Variants in DGKH observed in about 807,000 individuals in gnomAD.
DGKH encodes the protein diacylglycerol kinase eta.
In DGKH, 90 loss-of-function variants were observed where a neutral mutation model predicts 159.3. That is an observed-to-expected ratio of 0.57 (90% CI 0.48 to 0.67). DGKH has a LOEUF of 0.67. Ranked by LOEUF, DGKH falls within the 30% of genes least tolerant of loss-of-function variation. The pLI, the probability that DGKH is intolerant of heterozygous loss-of-function variation, is 0.00. For synonymous variants in DGKH, 536 were observed against 553.8 expected (o/e 0.97, Z 0.45); for missense variants, 1,181 against 1,506.1 (o/e 0.78, Z 3.57).
chr13:42,201,755 C>T (rs986311590), intron 20 of DGKH, among the ~76,000 whole-genome samples: 2 of 152,118 alleles, frequency 1.3e-5, no homozygotes, highest in Admixed American at 1.3e-4. Flanking sequence ...AAATTAACAA[C>T]ATATTTTTAT....
intron 1 of DGKH, among the ~76,000 whole-genome samples, chr13:42,126,811 G>A (rs1266165286): frequency 6.6e-6 from 1 of 152,126 alleles, no homozygotes; most frequent in East Asian, 1.9e-4. Flanking sequence ...TGGGAACATT[G>A]CTTTGACTCC....
Position 42,219,675 on chromosome 13 carries a change from G to T in DGKH, c.3334-11G>T, listed in dbSNP as rs367814111. On this transcript the variant is annotated splice_polypyrimidine_tract_variant and intron_variant, in intron 27 of 29. Transcript: ENST00000337343. ...TCCTGAAAAAATTATTTTCTTGCTC[G>T]ATTTGAACAGGAACCTCCTATGGAT... 1.9e-6 allele frequency: 3 copies of T among 1,607,028 alleles called. No individual in the cohort carries two copies. The highest frequency in any genetic ancestry group is 2.2e-5 in the East Asian group (1 of 44,776).
Position 42,070,960 on chromosome 13 carries a change from C to T in DGKH, c.192+21995C>T. On this transcript the variant is annotated intron_variant, in intron 1 of 29. Coordinates refer to ENST00000337343, the MANE Select transcript of DGKH (RefSeq NM_178009.5). ...AAGGACAATTTTCTTGATGGCTACT[C>T]TTTTGTCACAATCATTGTCTACAGC... is the stretch of plus-strand genomic sequence containing the variant. The T allele has an allele frequency of 1.5e-6, 2 of 1,311,438 alleles. 1 individual carries two copies. Among genetic ancestry groups the T allele is most frequent in the Admixed American group, 3.4e-5 (2 of 58,984 alleles). The allele number at this position is 1,311,438 out of a possible 1,614,324, so 81.2% of individuals were successfully genotyped here. A position where few individuals can be genotyped will look rare whatever the true frequency, so the allele number is the denominator to read the frequency against.
intron 17 of DGKH, 54 bp from the exon 18 acceptor site, chr13:42,198,423 CT>C (rs1050918334): frequency 4.0e-6 from 6 of 1,510,292 alleles, no homozygotes; most frequent in Non-Finnish European, 1.8e-6. Flanking sequence ...TGGACTGGTT[CT>C]TTCTGTGTTT....
At chr13:42,219,855 C>A in intron 28 of DGKH, 61 bp downstream of exon 28, 2 of 1,480,688 alleles carry the variant, frequency 1.4e-6, no homozygotes, top group Non-Finnish European at 9.3e-7. Context: ...ATTAAAGTGA[C>A]ATCATGGAGG....
In DGKH at chr13:42,121,826, G is replaced by A. The variant is rs183021387; in HGVS notation, c.193-5637G>A. Among the ~76,000 whole-genome samples, 4 of 152,266 alleles carry A rather than the reference G, an allele frequency of 2.6e-5. No individual in the cohort carries two copies. In the East Asian group the frequency reaches 7.7e-4, roughly 29 times the overall value. ...TCTAACTTGGAACCCAGGTTCCTGG[G>A]ACACAGAGAGTCCTTCACTTGGAGC... On this transcript the variant is annotated intron_variant, in intron 1 of 29. Coordinates refer to ENST00000337343, the MANE Select transcript of DGKH (RefSeq NM_178009.5).
intron 16 of DGKH, among the ~76,000 whole-genome samples, chr13:42,194,582 A>G (rs891137810): frequency 5.3e-5 from 8 of 152,232 alleles, no homozygotes; most frequent in African/African-American, 1.9e-4. Context: ...ATTTTCAAAA[A>G]TGGACTTCAA....
At chr13:42,076,007 G>C (rs1325926619) in intron 1 of DGKH, among the ~76,000 whole-genome samples, 1 of 152,100 alleles carries the variant, frequency 6.6e-6, no homozygotes, top group Non-Finnish European at 1.5e-5. Context: ...CACTTTCAAT[G>C]TGATTCTACT....
At chr13:42,052,882 G>C (rs1881425744) in intron 1 of DGKH, among the ~76,000 whole-genome samples, 1 of 151,016 alleles carries the variant, frequency 6.6e-6, no homozygotes, top group Non-Finnish European at 1.5e-5. Context: ...TTGTGAAGCT[G>C]CATGTGTCAA....
intron 1 of DGKH, among the ~76,000 whole-genome samples, chr13:42,094,203 GC>G (rs1954477640): frequency 6.6e-6 from 1 of 151,980 alleles, no homozygotes. Flanking sequence ...CACCGACATG[GC>G]ACATGTATAC....
At chr13:42,047,933 C>T (rs962387268), upstream of DGKH, among the ~76,000 whole-genome samples, 47 of 151,884 alleles carry the variant, frequency 3.1e-4, no homozygotes, top group African/African-American at 1.1e-3. Flanking sequence ...TCCTGTTAGC[C>T]GAAGGGGATC....
chr13:42,199,707 C>T, intron 19 of DGKH, 31 bp downstream of exon 19: 1 of 1,562,636 alleles, frequency 6.4e-7, no homozygotes, highest in Admixed American at 1.9e-5. Context: ...AATGCTATTA[C>T]ATAAAGGCAA....
chr13:42,180,050 TAACTA>T (rs1384118814), intron 13 of DGKH, among the ~76,000 whole-genome samples: 2 of 152,228 alleles, frequency 1.3e-5, no homozygotes, highest in African/African-American at 4.8e-5. Flanking sequence ...AATATTTACT[TAACTA>T]TATTAAACAA....
chr13:42,105,965 C>A (rs1954744953), intron 1 of DGKH, among the ~76,000 whole-genome samples: 1 of 151,228 alleles, frequency 6.6e-6, no homozygotes, highest in African/African-American at 2.4e-5. Flanking sequence ...AATAATTAAA[C>A]CTGATTTTTA....
intron 29 of DGKH, among the ~76,000 whole-genome samples, chr13:42,250,982 G>GT (rs1958616257): frequency 6.6e-6 from 1 of 152,122 alleles, no homozygotes; most frequent in Admixed American, 6.5e-5. Flanking sequence ...GTTTAATGTT[G>GT]TTTTGGCCTG....
chr13:42,199,982 A>G, intron 20 of DGKH, 73 bp downstream of exon 20: 2 of 1,290,724 alleles, frequency 1.5e-6, no homozygotes, highest in Non-Finnish European at 2.1e-6. Flanking sequence ...AGCTAATTTG[A>G]CCTAAATGCG....
intron 26 of DGKH, 71 bp from the exon 27 acceptor site, chr13:42,219,159 A>G (rs1957896249): frequency 1.3e-6 from 2 of 1,581,720 alleles, no homozygotes; most frequent in African/African-American, 1.4e-5. Context: ...GTCAAAGTAC[A>G]ATGATTTATT....
In DGKH at chr13:42,104,350, G is replaced by A. The variant is rs778562731; in HGVS notation, c.193-23113G>A. Among the ~76,000 whole-genome samples the A allele has an allele frequency of 2.6e-5, 4 of 152,208 alleles. No homozygotes were observed. The South Asian group carries it at 8.3e-4, about 32-fold the overall frequency. ...GTTCCAGCTAGAAAGTGGAAAAGGA[G>A]AACATGAAGGAGATAGACCAGTTTA... On this transcript the variant is annotated intron_variant, in intron 1 of 29. Coordinates refer to ENST00000337343, the MANE Select transcript of DGKH (RefSeq NM_178009.5).
At chr13:42,129,747 T>A in intron 3 of DGKH, 115 bp downstream of exon 3, 1 of 867,206 alleles carries the variant, frequency 1.2e-6, no homozygotes, top group Non-Finnish European at 1.8e-6. Flanking sequence ...ATGTTGGAGT[T>A]CCTACCAACA....
Sources: gnomAD v4.1 joint callset for allele counts (sites outside exome capture counted in the v4.1 genomes callset) on GRCh38, gnomAD v4.1.1 for gene constraint, MANE v1.5 for transcripts, NCBI Gene and HGNC (gene_info 2026-07-23, HGNC 2026-07-21) for gene names.